OLFM1: variants seen among roughly 807,000 people sequenced by gnomAD.
OLFM1 encodes the protein noelin.
A neutral mutation model predicts 49.7 loss-of-function variants in OLFM1; 9 were observed. The observed-to-expected ratio is 0.18, with a 90% CI of 0.11 to 0.32. The LOEUF is 0.32. Among genes scored for constraint, OLFM1 ranks in the 10% least tolerant of loss-of-function variants. The pLI, the probability that OLFM1 is intolerant of heterozygous loss-of-function variation, is 1.00. For synonymous variants in OLFM1, 240 were observed against 271.8 expected, an observed-to-expected ratio of 0.88 and a Z score of 1.15; for missense variants, 369 against 661.8, an observed-to-expected ratio of 0.56 and a Z score of 4.85.
At chr9:135,112,515 C>T (rs1289313205) in intron 5 of OLFM1, among the ~76,000 whole-genome samples, 1 of 152,190 alleles carries the variant, frequency 6.6e-6, no homozygotes, top group African/African-American at 2.4e-5. Context: ...TGAATGGTGG[C>T]CCTTGATGGA....
chr9:135,104,276 G>A (rs926969257), intron 4 of OLFM1, among the ~76,000 whole-genome samples: 4 of 152,222 alleles, frequency 2.6e-5, no homozygotes, highest in African/African-American at 9.6e-5. Flanking sequence ...TGGAGGGACA[G>A]CTGGAGCAAA....
intron 5 of OLFM1, among the ~76,000 whole-genome samples, chr9:135,118,803 AGTGCTCG>A: frequency 7.1e-6 from 1 of 141,784 alleles, no homozygotes; most frequent in African/African-American, 2.7e-5. Context: ...GTGTCTTTGG[AGTGCTCG>A]CCGGGTCTTT....
upstream of OLFM1, among the ~76,000 whole-genome samples, chr9:135,084,553 CCT>C (rs1164426686): frequency 1.3e-5 from 2 of 151,722 alleles, no homozygotes; most frequent in Non-Finnish European, 2.9e-5. The surrounding 1 kb of genome is among the most constrained non-coding windows in gnomAD (Gnocchi z 4.6). Context: ...CTCTCTGTCT[CCT>C]CTCTGTTTCT....
intron 3 of OLFM1, among the ~76,000 whole-genome samples, chr9:135,097,277 G>T (rs1029386388): frequency 1.3e-5 from 2 of 152,194 alleles, no homozygotes; most frequent in Non-Finnish European, 2.9e-5. Context: ...TCCTGTTGAG[G>T]TGAAATGAGC....
intron 1 of OLFM1, chr9:135,076,667 A>G: frequency 7.9e-7 from 1 of 1,269,660 alleles, no homozygotes; most frequent in Non-Finnish European, 1.1e-6. Context: ...CCTTTCAATG[A>G]TGCCACTGTG....
chr9:135,115,550 G>A (rs903872266), intron 5 of OLFM1, among the ~76,000 whole-genome samples: 5 of 152,270 alleles, frequency 3.3e-5, no homozygotes, highest in Non-Finnish European at 5.9e-5. Flanking sequence ...GTGTGGGACC[G>A]GATCATGCCT....
Position 135,098,082 on chromosome 9 carries a change from T to C in OLFM1, c.457-204T>C. Reference sequence around the variant, plus strand: ...AACCTTAAGATGTTGCATTCTAAACTGACAATAAAGACCTTTCCCAAATAT... The same window carrying C: ...AACCTTAAGATGTTGCATTCTAAACCGACAATAAAGACCTTTCCCAAATAT... On this transcript the variant is annotated intron_variant, in intron 3 of 5. Coordinates refer to ENST00000371793, the MANE Select transcript of OLFM1 (RefSeq NM_001282611.2). This position sits in a 1 kb window ranked among gnomAD's most constrained non-coding sequence, Gnocchi z 5.6. The C allele has an allele frequency of 7.0e-7, 1 of 1,430,620 alleles. No individual in the cohort carries two copies. The highest frequency in any genetic ancestry group is 1.4e-5 in the African/African-American group (1 of 69,762). The allele number at this position is 1,430,620 out of a possible 1,614,324, so 88.6% of individuals were successfully genotyped here.
chr9:135,097,636 C>T lies in OLFM1; in HGVS notation c.457-650C>T, dbSNP rs1830818618. The T allele has an allele frequency of 3.9e-6, 3 of 765,768 alleles. No homozygotes were observed. The Admixed American group carries it at 5.6e-5, about 14-fold the overall frequency. 47.4% of individuals were successfully genotyped at this position (765,768 alleles called of 1,614,324 possible). On this transcript the variant is annotated intron_variant, in intron 3 of 5. Coordinates refer to ENST00000371793, the MANE Select transcript of OLFM1 (RefSeq NM_001282611.2). ...TTGTGACGAGGGAATCTCAATAACT[C>T]TTAAAGCAGTTTGTTTTGACTAACT...
At position 135,098,974 on chromosome 9, in the gene OLFM1, C is replaced by T. The variant is rs1001129332; in HGVS notation, c.676+469C>T. Among the ~76,000 whole-genome samples, 5 of 152,174 alleles carry T rather than the reference C, an allele frequency of 3.3e-5. No individual in the cohort carries two copies. The highest frequency in any genetic ancestry group is 4.8e-5 in the African/African-American group (2 of 41,438). On this transcript the variant is annotated intron_variant, in intron 4 of 5. Coordinates refer to ENST00000371793, the MANE Select transcript of OLFM1 (RefSeq NM_001282611.2). The surrounding 1 kb of genome is among the most constrained non-coding windows in gnomAD (Gnocchi z 5.6). Reference sequence around the variant, plus strand: ...CTCAGTAGAGCTGCCATTCACAGCACGGGAGGGAGCCCCTGCTCACAGCCT... The same window carrying T: ...CTCAGTAGAGCTGCCATTCACAGCATGGGAGGGAGCCCCTGCTCACAGCCT...
At chr9:135,086,189 G>A (rs951846202), upstream of OLFM1, among the ~76,000 whole-genome samples, 12 of 152,228 alleles carry the variant, frequency 7.9e-5, no homozygotes, top group African/African-American at 7.2e-5. Flanking sequence ...GTCTCCGCCT[G>A]GGCCCAGTCT....
chr9:135,087,891 A>G lies in OLFM1; in HGVS notation c.-99A>G. ...GCCGAGGGGGCGCGGGGACACAGCC[A>G]GGCGCCCCTGCCCGCCGCGGTGCCC... On this transcript the variant is annotated 5_prime_UTR_variant, in exon 1 of 6. Transcript: ENST00000371793. 1 of 1,035,410 alleles carries G rather than the reference A, an allele frequency of 9.7e-7. No individual in the cohort carries two copies. The highest frequency in any genetic ancestry group is 5.8e-5 in the Admixed American group (1 of 17,314). The allele number at this position is 1,035,410 out of a possible 1,614,324, so 64.1% of individuals were successfully genotyped here.
chr9:135,091,599 TCA>T (rs1564270567), intron 2 of OLFM1, among the ~76,000 whole-genome samples: 15 of 77,310 alleles, frequency 1.9e-4, no homozygotes, highest in African/African-American at 7.6e-4. Flanking sequence ...AGTCACACAC[TCA>T]CACATAGTCA....
chr9:135,087,432 G>A (rs906822877), upstream of OLFM1: 7 of 1,543,878 alleles, frequency 4.5e-6, no homozygotes, highest in Non-Finnish European at 5.2e-6. Context: ...GAGTCCCCGC[G>A]CCGCCGCCGG....
At chr9:135,083,911 G>A (rs1402754475), upstream of OLFM1, among the ~76,000 whole-genome samples, 3 of 152,326 alleles carry the variant, frequency 2.0e-5, no homozygotes, top group South Asian at 2.1e-4. Context: ...ACACAGCCAC[G>A]CCTGATGCAG....
At chr9:135,111,229 G>A (rs1831017843) in intron 5 of OLFM1, among the ~76,000 whole-genome samples, 1 of 152,200 alleles carries the variant, frequency 6.6e-6, no homozygotes, top group Admixed American at 6.5e-5. Flanking sequence ...TTTTGTGTTT[G>A]CGTGAGAAGG....
In OLFM1 at chr9:135,078,479, A is replaced by G. The variant is rs558580552; in HGVS notation, c.96+2677A>G. On this transcript the variant is annotated intron_variant, in intron 1 of 5. Coordinates refer to the OLFM1 transcript ENST00000252854. ...CCCGACAGCTTACTTACGATGAGAC[A>G]CTCAATCAAACACCAACCGTTGATG... 1.7e-3 allele frequency among the ~76,000 whole-genome samples: 252 copies of G among 152,326 alleles called. 1 individual carries two copies. The highest frequency in any genetic ancestry group is 5.6e-3 in the African/African-American group (232 of 41,588).
At position 135,119,785 on chromosome 9, in the gene OLFM1, C is replaced by G; in HGVS notation, c.1065C>G (p.Ile355Met). 1 of 1,614,000 alleles carries G rather than the reference C, an allele frequency of 6.2e-7. No homozygotes were observed. Among genetic ancestry groups the G allele is most frequent in the Non-Finnish European group, 8.5e-7 (1 of 1,180,034 alleles). Residue 355 changes from isoleucine to methionine, a missense_variant, in exon 6 of 6, where the codon ATC (isoleucine) becomes ATG (methionine). By Grantham distance (10) the Ile-to-Met change is conservative (BLOSUM62 1). Coordinates refer to ENST00000371793, the MANE Select transcript of OLFM1 (RefSeq NM_001282611.2). The stretch of plus-strand genomic sequence containing the variant: ...ACGCCTGGGGTGGCCACTCGGACAT[C>G]GACCTCATGGTGGACGAGAGCGGGC... ...YHYAWGGHSD[I>M]DLMVDESGLW...
chr9:135,104,584 G>C (rs146739099), intron 4 of OLFM1, among the ~76,000 whole-genome samples: 1 of 152,048 alleles, frequency 6.6e-6, no homozygotes, highest in South Asian at 2.1e-4. Flanking sequence ...TTCTCCTTCC[G>C]GACAACTAAC....
rs1223454936 is a variant in OLFM1 at position 135,108,641 on chromosome 9, AAAAAC to A, written c.783+1791_783+1795del. Among the ~76,000 whole-genome samples the A allele has an allele frequency of 2.3e-4, 35 of 151,992 alleles. 1 individual carries two copies. The highest frequency in any genetic ancestry group is 8.5e-4 in the African/African-American group (35 of 41,380). ...GAGCGAGGCTCTGTCTCAAAAAAAA[AAAAAC>A]AAAAAAAACAGCGAGTGTGTCCTGT... On this transcript the variant is annotated intron_variant, in intron 5 of 5. Coordinates refer to ENST00000371793, the MANE Select transcript of OLFM1 (RefSeq NM_001282611.2).
Sources: gnomAD v4.1 joint callset for allele counts (sites outside exome capture counted in the v4.1 genomes callset) on GRCh38, gnomAD v4.1.1 for gene constraint, Gnocchi (gnomAD v3.1) non-coding constraint, MANE v1.5 for transcripts, NCBI Gene and HGNC (gene_info 2026-07-23, HGNC 2026-07-21) for gene names.